The following REEP3 variants were observed in gnomAD, a reference collection of about 807,000 sequenced individuals.
The protein encoded by REEP3 is receptor expression-enhancing protein 3.
REEP3 carries 20 observed loss-of-function variants against 41.3 expected under a neutral mutation model. The ratio of observed to expected loss-of-function variants is 0.48; its 90% confidence interval spans 0.34 to 0.70. REEP3 has a LOEUF of 0.70. Ranked by LOEUF, REEP3 falls within the 30% of genes least tolerant of loss-of-function variation. The pLI is 0.01. For synonymous variants in REEP3, 104 were observed against 101.8 expected, an observed-to-expected ratio of 1.02 and a Z score of -0.13; for missense variants, 271 against 308.8, an observed-to-expected ratio of 0.88 and a Z score of 0.92.
intron 2 of REEP3, among the ~76,000 whole-genome samples, chr10:63,574,004 T>C (rs764462333): frequency 2.0e-5 from 3 of 152,212 alleles, no homozygotes; most frequent in Non-Finnish European, 2.9e-5. Flanking sequence ...TTACTTATAA[T>C]GTAAAAAGTC....
In REEP3 at chr10:63,556,611, CTTGTTTTTTTTTTTGTTGTT is replaced by C. The variant is rs1186888825; in HGVS notation, c.33-9712_33-9693del. Among the ~76,000 whole-genome samples, 56 of 7,392 alleles carry C rather than the reference CTTGTTTTTTTTTTTGTTGTT, an allele frequency of 7.6e-3. 6 individuals are homozygous for C. The highest frequency in any genetic ancestry group is 0.016 in the African/African-American group (55 of 3,342). The allele number at this position is 7,392 out of a possible 152,430, so 4.8% of individuals were successfully genotyped here. Reference sequence around the variant, plus strand: ...TTTGTTTTGTTTTGTTTTCTGTTTGCTTGTTTTTTTTTTTGTTGTTTTGTTTTTTTTTTTTTTTTTTTGAG... The same window carrying C: ...TTTGTTTTGTTTTGTTTTCTGTTTGCTTGTTTTTTTTTTTTTTTTTTTGAG... On this transcript the variant is annotated intron_variant, in intron 1 of 7. Coordinates refer to ENST00000373758, the MANE Select transcript of REEP3 (RefSeq NM_001001330.3).
At chr10:63,524,729 C>T (rs945147274) in intron 1 of REEP3, among the ~76,000 whole-genome samples, 2 of 152,170 alleles carry the variant, frequency 1.3e-5, no homozygotes, top group Admixed American at 6.5e-5. Flanking sequence ...CAGCCATGAG[C>T]CACCGCACCT....
intron 2 of REEP3, among the ~76,000 whole-genome samples, chr10:63,590,984 G>T (rs1406458577): frequency 1.3e-5 from 2 of 151,924 alleles, no homozygotes; most frequent in Non-Finnish European, 2.9e-5. Flanking sequence ...ATTATATTTG[G>T]TTACATATGT....
At chr10:63,619,333 ATATC>A (rs2133438425) in intron 6 of REEP3, among the ~76,000 whole-genome samples, 1 of 152,354 alleles carries the variant, frequency 6.6e-6, no homozygotes, top group Admixed American at 6.5e-5. Flanking sequence ...TTTTTGCTCT[ATATC>A]TATTTATATT....
At chr10:63,548,769 C>T (rs1955601337) in intron 1 of REEP3, among the ~76,000 whole-genome samples, 1 of 152,076 alleles carries the variant, frequency 6.6e-6, no homozygotes, top group Admixed American at 6.5e-5. Flanking sequence ...ATTACGCTTT[C>T]TCAATGCACC....
At position 63,570,570 on chromosome 10, in the gene REEP3, A is replaced by G. The variant is rs141853804; in HGVS notation, c.105+4160A>G. On this transcript the variant is annotated intron_variant, in intron 2 of 7. Transcript: ENST00000373758. ...GGTATTAAGCCTAGTACCCGGAAAA[A>G]AGATTTTCTTAACCATCCATTTGAG... is the stretch of plus-strand genomic sequence containing the variant. 6.4e-3 allele frequency among the ~76,000 whole-genome samples: 976 copies of G among 152,226 alleles called. 4 individuals are homozygous for G. Among genetic ancestry groups the G allele is most frequent in the Non-Finnish European group, 9.5e-3 (648 of 68,016 alleles).
At chr10:63,551,539 A>G (rs957254928) in intron 1 of REEP3, among the ~76,000 whole-genome samples, 1 of 152,152 alleles carries the variant, frequency 6.6e-6, no homozygotes, top group African/African-American at 2.4e-5. Context: ...AACTTTACCT[A>G]ACATATACTA....
At chr10:63,530,571 G>T (rs1955411177) in intron 1 of REEP3, among the ~76,000 whole-genome samples, 1 of 152,100 alleles carries the variant, frequency 6.6e-6, no homozygotes, top group Non-Finnish European at 1.5e-5. Context: ...AAACTATTGG[G>T]TCTTGTTTTC....
At position 63,599,157 on chromosome 10, in the gene REEP3, C is replaced by A; in HGVS notation, c.304-13C>A. ...TTTTAAGTAAAACTAACATCTGTGG[C>A]TTTTTCCCCCAGGAGATTGATGATT... On this transcript the variant is annotated splice_polypyrimidine_tract_variant and intron_variant, in intron 4 of 7. Coordinates refer to ENST00000373758, the MANE Select transcript of REEP3 (RefSeq NM_001001330.3). The A allele has an allele frequency of 1.4e-6, 2 of 1,391,024 alleles. No individual in the cohort carries two copies. The highest frequency in any genetic ancestry group is 2.0e-6 in the Non-Finnish European group (2 of 1,001,364). 86.2% of individuals were successfully genotyped at this position (1,391,024 alleles called of 1,614,324 possible). A position where few individuals can be genotyped will look rare whatever the true frequency, so the allele number is the denominator to read the frequency against.
intron 5 of REEP3, among the ~76,000 whole-genome samples, chr10:63,609,051 A>G (rs1956255108): frequency 6.6e-6 from 1 of 152,214 alleles, no homozygotes; most frequent in African/African-American, 2.4e-5. Flanking sequence ...ATCATTTTGT[A>G]TTCAAGATTC....
chr10:63,586,631 A>C (rs1564485314), intron 2 of REEP3, among the ~76,000 whole-genome samples: 3 of 152,190 alleles, frequency 2.0e-5, no homozygotes. Flanking sequence ...AATTAGAAAA[A>C]AAATGGAAAT....
chr10:63,554,209 ATAAAG>A (rs1017959316), intron 1 of REEP3, among the ~76,000 whole-genome samples: 3 of 152,228 alleles, frequency 2.0e-5, no homozygotes, highest in East Asian at 1.9e-4. Context: ...AAGGGGCTAA[ATAAAG>A]TAAACAACTC....
chr10:63,624,103 G>A lies in REEP3; in HGVS notation c.*3234G>A, dbSNP rs990440099. 2 of 151,680 alleles carry A rather than the reference G, an allele frequency of 1.3e-5. No homozygotes were observed. The highest frequency in any genetic ancestry group is 2.9e-5 in the Non-Finnish European group (2 of 67,936). 9.4% of individuals were successfully genotyped at this position (151,680 alleles called of 1,614,324 possible). ...GAGTCTAATTTGTATTAATTGGGATGGACTAAATTTTCATTTGATTATCAG... is the reference window on the plus strand; with the variant it reads ...GAGTCTAATTTGTATTAATTGGGATAGACTAAATTTTCATTTGATTATCAG... On this transcript the variant is annotated 3_prime_UTR_variant, in exon 8 of 8. Transcript: ENST00000373758.
At chr10:63,596,974 C>G (rs1956121160) in intron 3 of REEP3, among the ~76,000 whole-genome samples, 1 of 152,190 alleles carries the variant, frequency 6.6e-6, no homozygotes, top group Non-Finnish European at 1.5e-5. Context: ...CAGCTGTTCT[C>G]ATGCCAGAAG....
At chr10:63,605,036 G>A (rs140782995) in intron 5 of REEP3, among the ~76,000 whole-genome samples, 426 of 152,212 alleles carry the variant, frequency 2.8e-3, no homozygotes, top group Non-Finnish European at 4.3e-3. Flanking sequence ...CAGGGATGCT[G>A]CTTAATATTC....
chr10:63,578,642 T>C (rs911352695), intron 2 of REEP3, among the ~76,000 whole-genome samples: 4 of 152,004 alleles, frequency 2.6e-5, no homozygotes, highest in Admixed American at 2.0e-4. Flanking sequence ...CCAGGTGTGA[T>C]GGTACACGCC....
intron 2 of REEP3, among the ~76,000 whole-genome samples, chr10:63,592,419 A>G (rs375066756): frequency 6.6e-6 from 1 of 152,144 alleles, no homozygotes; most frequent in Non-Finnish European, 1.5e-5. Context: ...TTCTCTTGTA[A>G]TGTATTTACA....
intron 7 of REEP3, 93 bp from the exon 8 acceptor site, chr10:63,620,720 T>TA: frequency 5.3e-6 from 4 of 761,240 alleles, no homozygotes; most frequent in Admixed American, 3.1e-5. Context: ...ATCAAAAAGG[T>TA]AAAAAAATTA....
chr10:63,584,430 T>TAAAAAAA (rs71463528), intron 2 of REEP3, among the ~76,000 whole-genome samples: 1 of 129,224 alleles, frequency 7.7e-6, no homozygotes, highest in Non-Finnish European at 1.6e-5. Context: ...CCCATCTTTT[T>TAAAAAAA]AAAAAAAAAA....
Sources: allele counts gnomAD v4.1 joint callset (sites outside exome capture counted in the v4.1 genomes callset), GRCh38; gene constraint gnomAD v4.1.1; transcripts MANE v1.5; gene names NCBI Gene and HGNC (gene_info 2026-07-23, HGNC 2026-07-21).